Variants in PRNP observed in about 807,000 individuals in gnomAD.
PRNP encodes major prion protein.
Under a neutral mutation model 21.3 loss-of-function variants are expected in PRNP, and 15 were observed. The observed-to-expected ratio is 0.71, with a 90% confidence interval of 0.47 to 1.09. PRNP has a LOEUF of 1.09. PRNP is among the 50% of genes least tolerant of loss of function. PRNP has a pLI of 0.00. For missense variants in PRNP, 285 were observed against 340.9 expected (o/e 0.84, Z 1.29); for synonymous variants, 121 against 123.1 (o/e 0.98, Z 0.11).
In PRNP at chr20:4,697,874, T is replaced by C. The variant is rs1334256010; in HGVS notation, c.-10-1337T>C. Reference sequence around the variant, plus strand: ...AATTGAGAAGCTGAGGTGCTTAGCATTGATTTTCAAGGTAGAGCTACTGAG... The same window carrying C: ...AATTGAGAAGCTGAGGTGCTTAGCACTGATTTTCAAGGTAGAGCTACTGAG... On this transcript the variant is annotated intron_variant, in intron 1 of 1. Coordinates refer to ENST00000379440, the MANE Select transcript of PRNP (RefSeq NM_000311.5). This position sits in a 1 kb window ranked among gnomAD's most constrained non-coding sequence, Gnocchi z 4.6. 6.6e-6 allele frequency among the ~76,000 whole-genome samples: 1 copy of C among 152,164 alleles called. No individual in the cohort carries two copies. The highest frequency in any genetic ancestry group is 1.5e-5 in the Non-Finnish European group (1 of 68,014).
chr20:4,690,857 A>C (rs1230300009), intron 1 of PRNP, among the ~76,000 whole-genome samples: 3 of 152,210 alleles, frequency 2.0e-5, no homozygotes, highest in Admixed American at 1.3e-4. Flanking sequence ...AAGCATCCAA[A>C]TTTGAAAGGA....
At position 4,700,340 on chromosome 20, in the gene PRNP, C is replaced by T; in HGVS notation, c.*358C>T. The T allele has an allele frequency of 2.3e-6, 1 of 435,588 alleles. No individual in the cohort carries two copies. The highest frequency in any genetic ancestry group is 2.0e-5 in the South Asian group (1 of 51,110). The allele number at this position is 435,588 out of a possible 1,614,324, so 27.0% of individuals were successfully genotyped here. On this transcript the variant is annotated 3_prime_UTR_variant, in exon 2 of 2. Coordinates refer to ENST00000379440, the MANE Select transcript of PRNP (RefSeq NM_000311.5). The surrounding 1 kb of genome is among the most constrained non-coding windows in gnomAD (Gnocchi z 4.1). ...TACCTTTGCCTGGATACCTCTGGCT[C>T]CTTCAGCAGCTAGAGCTCAGTATAC...
intron 1 of PRNP, among the ~76,000 whole-genome samples, chr20:4,696,879 GT>G (rs772685714): frequency 2.9e-4 from 44 of 152,258 alleles, no homozygotes; most frequent in Non-Finnish European, 4.7e-4. Context: ...CCCACCTTCT[GT>G]GCCTGGTTCT....
chr20:4,699,323 G>A lies in PRNP; in HGVS notation c.103G>A (p.Gly35Ser), dbSNP rs749207734. The A allele has an allele frequency of 6.2e-7, 1 of 1,614,098 alleles. No individual in the cohort carries two copies. Among genetic ancestry groups the A allele is most frequent in the South Asian group, 1.1e-5 (1 of 91,078 alleles). Reference protein sequence around the residue: ...RPKPGGWNTGGSRYPGQGSPG... With the variant: ...RPKPGGWNTGSSRYPGQGSPG... ...GAAGCCTGGAGGATGGAACACTGGGGGCAGCCGATACCCGGGGCAGGGCAG... is the reference window on the plus strand; with the variant it reads ...GAAGCCTGGAGGATGGAACACTGGGAGCAGCCGATACCCGGGGCAGGGCAG... Residue 35 changes from glycine to serine, a missense_variant, in exon 2 of 2, where the codon GGC (glycine) becomes AGC (serine). Gly to Ser is a moderately conservative substitution (Grantham distance 56). Transcript: ENST00000379440. This position sits in a 1 kb window ranked among gnomAD's most constrained non-coding sequence, Gnocchi z 5.8.
chr20:4,691,054 G>A (rs1177486380), intron 1 of PRNP, among the ~76,000 whole-genome samples: 1 of 152,114 alleles, frequency 6.6e-6, no homozygotes, highest in Non-Finnish European at 1.5e-5. Flanking sequence ...AAAAGAAAGT[G>A]CCATTTACAA....
In PRNP at chr20:4,699,287, A is replaced by C; in HGVS notation, c.67A>C (p.Lys23Gln). 1.2e-6 allele frequency: 2 copies of C among 1,614,094 alleles called. No homozygotes were observed. Among genetic ancestry groups the C allele is most frequent in the Non-Finnish European group, 1.7e-6 (2 of 1,180,046 alleles). ...CACATGGAGTGACCTGGGCCTCTGCAAGAAGCGCCCGAAGCCTGGAGGATG... is the reference window on the plus strand; with the variant it reads ...CACATGGAGTGACCTGGGCCTCTGCCAGAAGCGCCCGAAGCCTGGAGGATG... The part of the protein sequence containing the change: ...VATWSDLGLC[K>Q]KRPKPGGWNT... The change falls in exon 2 of 2, where the codon AAG (lysine) becomes CAG (glutamine). Residue 23 changes from lysine to glutamine, a missense_variant. Coordinates refer to ENST00000379440, the MANE Select transcript of PRNP (RefSeq NM_000311.5). The surrounding 1 kb of genome is among the most constrained non-coding windows in gnomAD (Gnocchi z 5.8).
At chr20:4,692,831 G>A (rs1921916233) in intron 1 of PRNP, among the ~76,000 whole-genome samples, 1 of 152,162 alleles carries the variant, frequency 6.6e-6, no homozygotes, top group Admixed American at 6.5e-5. Context: ...GCACCTGTGT[G>A]AGAGGAGGGT....
intron 1 of PRNP, among the ~76,000 whole-genome samples, chr20:4,688,413 G>C (rs116063597): frequency 3.2e-4 from 48 of 152,202 alleles, no homozygotes; most frequent in Admixed American, 5.9e-4. Context: ...TACTTTCTGC[G>C]TCTGTATGTA....
chr20:4,694,303 C>T (rs981210886), intron 1 of PRNP, among the ~76,000 whole-genome samples: 7 of 151,600 alleles, frequency 4.6e-5, no homozygotes, highest in African/African-American at 9.7e-5. Context: ...AAGTTTGAGG[C>T]GAGCCTGGGC....
At chr20:4,687,031 G>T (rs985098700) in intron 1 of PRNP, among the ~76,000 whole-genome samples, 4 of 152,094 alleles carry the variant, frequency 2.6e-5, no homozygotes, top group East Asian at 3.9e-4. Flanking sequence ...TGGCGCTTCC[G>T]CGATGCCCAG....
chr20:4,698,860 A>G (rs542898079), intron 1 of PRNP, among the ~76,000 whole-genome samples: 7 of 152,374 alleles, frequency 4.6e-5, no homozygotes, highest in Non-Finnish European at 7.3e-5. Context: ...TGATGAATGT[A>G]CATTCTCCAA....
rs1922360740 is a variant in PRNP, at chr20:4,699,124, T to C, written c.-10-87T>C. The C allele has an allele frequency of 6.7e-7, 1 of 1,492,414 alleles. No individual in the cohort carries two copies. Among genetic ancestry groups the C allele is most frequent in the Middle Eastern group, 1.7e-4 (1 of 5,858 alleles). 92.4% of individuals were successfully genotyped at this position (1,492,414 alleles called of 1,614,324 possible). A position where few individuals can be genotyped will look rare whatever the true frequency, so the allele number is the denominator to read the frequency against. On this transcript the variant is annotated intron_variant, in intron 1 of 1. Coordinates refer to ENST00000379440, the MANE Select transcript of PRNP (RefSeq NM_000311.5). The surrounding 1 kb of genome is among the most constrained non-coding windows in gnomAD (Gnocchi z 5.8). ...TGTTTCTACTGAGCAGCTGATACCATTGCTATGCACTCATTCATTATGCAG... is the reference window on the plus strand; with the variant it reads ...TGTTTCTACTGAGCAGCTGATACCACTGCTATGCACTCATTCATTATGCAG...
rs1922485163 is a variant in PRNP at position 4,699,925 on chromosome 20, C to T, written c.705C>T (p.Phe235=). 2 of 1,613,858 alleles carry T rather than the reference C, an allele frequency of 1.2e-6. No homozygotes were observed. The highest frequency in any genetic ancestry group is 1.7e-6 in the Non-Finnish European group (2 of 1,179,860). Residue 235 remains phenylalanine, a synonymous_variant, in exon 2 of 2, where the codon TTC becomes TTT. Transcript: ENST00000379440. This position sits in a 1 kb window ranked among gnomAD's most constrained non-coding sequence, Gnocchi z 5.8. ...YYQRGSSMVL[F]SSPPVILLIS... Reference sequence around the variant, plus strand: ...AGAGAGGATCGAGCATGGTCCTCTTCTCCTCTCCACCTGTGATCCTCCTGA... The same window carrying T: ...AGAGAGGATCGAGCATGGTCCTCTTTTCCTCTCCACCTGTGATCCTCCTGA...
At chr20:4,687,695 C>T (rs1200609536) in intron 1 of PRNP, among the ~76,000 whole-genome samples, 2 of 152,200 alleles carry the variant, frequency 1.3e-5, no homozygotes, top group Non-Finnish European at 2.9e-5. Flanking sequence ...TCACACAACA[C>T]AGTGCAGTTT....
chr20:4,699,582 T>C lies in PRNP; in HGVS notation c.362T>C (p.Val121Ala). Residue 121 changes from valine to alanine, a missense_variant, in exon 2 of 2, where the codon GTG becomes GCG. Val to Ala is a moderately conservative substitution (Grantham distance 64). Coordinates refer to ENST00000379440, the MANE Select transcript of PRNP (RefSeq NM_000311.5). The surrounding 1 kb of genome is among the most constrained non-coding windows in gnomAD (Gnocchi z 5.8). ...GCTGGTGCTGCAGCAGCTGGGGCAG[T>C]GGTGGGGGGCCTTGGCGGCTACATG... ...HMAGAAAAGA[V>A]VGGLGGYMLG... 2 of 1,613,308 alleles carry C rather than the reference T, an allele frequency of 1.2e-6. No individual in the cohort carries two copies. The highest frequency in any genetic ancestry group is 1.7e-6 in the Non-Finnish European group (2 of 1,179,740).
At position 4,699,280 on chromosome 20, in the gene PRNP, C is replaced by T. The variant is rs112885437; in HGVS notation, c.60C>T (p.Gly20=). The T allele has an allele frequency of 2.5e-6, 4 of 1,614,046 alleles. No individual in the cohort carries two copies. Among genetic ancestry groups the T allele is most frequent in the Non-Finnish European group, 3.4e-6 (4 of 1,180,046 alleles). The part of the protein sequence containing the change: ...VLFVATWSDL[G]LCKKRPKPGG... Reference sequence around the variant, plus strand: ...TTGTGGCCACATGGAGTGACCTGGGCCTCTGCAAGAAGCGCCCGAAGCCTG... The same window carrying T: ...TTGTGGCCACATGGAGTGACCTGGGTCTCTGCAAGAAGCGCCCGAAGCCTG... Residue 20 remains glycine, a synonymous_variant, in exon 2 of 2, where the codon GGC becomes GGT. Coordinates refer to ENST00000379440, the MANE Select transcript of PRNP (RefSeq NM_000311.5). This position sits in a 1 kb window ranked among gnomAD's most constrained non-coding sequence, Gnocchi z 5.8.
chr20:4,687,209 C>T (rs952140420), intron 1 of PRNP, among the ~76,000 whole-genome samples: 1 of 152,132 alleles, frequency 6.6e-6, no homozygotes, highest in African/African-American at 2.4e-5. Context: ...TTGCCACCGC[C>T]TGGAGAAGCG....
rs2756270 is a variant in PRNP at position 4,692,549 on chromosome 20, G to C, written c.-11+6037G>C. Among the ~76,000 whole-genome samples the C allele has an allele frequency of 4.5e-3, 681 of 152,232 alleles. 4 individuals carry two copies. Among genetic ancestry groups the C allele is most frequent in the African/African-American group, 0.016 (658 of 41,546 alleles). The stretch of plus-strand genomic sequence containing the variant: ...TTATGATATCTTGGGCTTTGTGTTT[G>C]TGACAGCATTTCTTTATGATGGAAA... On this transcript the variant is annotated intron_variant, in intron 1 of 1. Transcript: ENST00000379440.
At chr20:4,692,645 T>C (rs768552181) in intron 1 of PRNP, among the ~76,000 whole-genome samples, 4 of 152,228 alleles carry the variant, frequency 2.6e-5, no homozygotes, top group Non-Finnish European at 5.9e-5. Context: ...AGGAATGATA[T>C]TGATTTTCAT....
Sources: gnomAD v4.1 joint callset for allele counts (sites outside exome capture counted in the v4.1 genomes callset) on GRCh38, gnomAD v4.1.1 for gene constraint, Gnocchi (gnomAD v3.1) non-coding constraint, MANE v1.5 for transcripts, NCBI Gene and HGNC (gene_info 2026-07-23, HGNC 2026-07-21) for gene names.